Variants in UNC5D observed in about 807,000 individuals in gnomAD.
UNC5D encodes unc-5 netrin receptor D, also known as netrin receptor UNC5D.
A neutral mutation model predicts 105.4 loss-of-function variants in UNC5D; 39 were observed. The ratio of observed to expected loss-of-function variants is 0.37; its 90% CI spans 0.29 to 0.48. The LOEUF (loss-of-function observed/expected upper bound fraction) is 0.48, where lower values mean the gene tolerates loss of function less well. Ranked by LOEUF, UNC5D falls within the 20% of genes least tolerant of loss-of-function variation. The pLI is 0.98. For synonymous variants in UNC5D, 452 were observed against 450.4 expected, an observed-to-expected ratio of 1.00 and a Z score of -0.04; for missense variants, 991 against 1,202.4, an observed-to-expected ratio of 0.82 and a Z score of 2.60.
chr8:35,461,659 A>G (rs1421716255), intron 1 of UNC5D, among the ~76,000 whole-genome samples: 2 of 152,210 alleles, frequency 1.3e-5, no homozygotes, highest in Admixed American at 1.3e-4. Context: ...ATCTTGTGGG[A>G]ATGCAGTTTA....
chr8:35,521,213 A>G (rs576128844), intron 1 of UNC5D, among the ~76,000 whole-genome samples: 5 of 152,110 alleles, frequency 3.3e-5, no homozygotes, highest in African/African-American at 1.2e-4. Flanking sequence ...TTTGAAAGGG[A>G]GGAGGCAGAG....
chr8:35,330,490 G>A (rs1391853650), intron 1 of UNC5D, among the ~76,000 whole-genome samples: 1 of 152,204 alleles, frequency 6.6e-6, no homozygotes, highest in East Asian at 1.9e-4. Flanking sequence ...AAAACTGCTA[G>A]CTGATGCGCT....
intron 4 of UNC5D, among the ~76,000 whole-genome samples, chr8:35,660,180 A>C (rs1354257184): frequency 6.6e-6 from 1 of 152,196 alleles, no homozygotes; most frequent in East Asian, 1.9e-4. Flanking sequence ...TAGGCAGAAC[A>C]TGATAGAAAT....
chr8:35,681,705 G>A (rs1825676651), intron 4 of UNC5D, among the ~76,000 whole-genome samples: 1 of 152,060 alleles, frequency 6.6e-6, no homozygotes. Flanking sequence ...GTACCACTCG[G>A]CTCTGACAGC....
intron 7 of UNC5D, among the ~76,000 whole-genome samples, chr8:35,702,813 A>T (rs978652060): frequency 1.3e-5 from 2 of 152,132 alleles, no homozygotes; most frequent in Non-Finnish European, 2.9e-5. Flanking sequence ...CCAGGGGACT[A>T]AAACCCTCTT....
chr8:35,399,033 T>C (rs1483419003), intron 1 of UNC5D, among the ~76,000 whole-genome samples: 1 of 150,178 alleles, frequency 6.7e-6, no homozygotes, highest in Non-Finnish European at 1.5e-5. Flanking sequence ...TAGTCCCAGC[T>C]ACTTGGGAGG....
intron 1 of UNC5D, among the ~76,000 whole-genome samples, chr8:35,532,178 C>T (rs1188781942): frequency 2.7e-5 from 4 of 148,044 alleles, no homozygotes; most frequent in African/African-American, 1.0e-4. Context: ...TTTGCAGCGG[C>T]TGGTACCGGT....
intron 1 of UNC5D, among the ~76,000 whole-genome samples, chr8:35,330,778 C>T (rs886977300): frequency 1.3e-5 from 2 of 152,112 alleles, no homozygotes; most frequent in Admixed American, 6.5e-5. Flanking sequence ...TCGAGATGAA[C>T]CATGACAGGC....
intron 1 of UNC5D, among the ~76,000 whole-genome samples, chr8:35,279,035 G>A (rs1208550184): frequency 2.6e-5 from 4 of 152,176 alleles, no homozygotes; most frequent in Admixed American, 6.5e-5. Context: ...TAGCCTTGAA[G>A]AAATACAATT....
intron 1 of UNC5D, among the ~76,000 whole-genome samples, chr8:35,262,384 A>G (rs1804554089): frequency 1.3e-5 from 2 of 152,214 alleles, no homozygotes; most frequent in East Asian, 3.9e-4. Flanking sequence ...TATTTGCCCA[A>G]TAGGCAGCCC....
intron 2 of UNC5D, among the ~76,000 whole-genome samples, chr8:35,564,373 A>G (rs1398265455): frequency 6.6e-6 from 1 of 152,124 alleles, no homozygotes; most frequent in African/African-American, 2.4e-5. Context: ...GTTCTGCAAT[A>G]TAGGAGCTCT....
chr8:35,611,511 A>G (rs1057244427), intron 4 of UNC5D, among the ~76,000 whole-genome samples: 4 of 152,238 alleles, frequency 2.6e-5, no homozygotes, highest in Non-Finnish European at 4.4e-5. Flanking sequence ...GGTTCTCATT[A>G]CACTTACTTA....
At chr8:35,301,304 C>A (rs1222294279) in intron 1 of UNC5D, among the ~76,000 whole-genome samples, 2 of 152,174 alleles carry the variant, frequency 1.3e-5, no homozygotes, top group Non-Finnish European at 2.9e-5. Context: ...CAATAAATAA[C>A]AATGGTATTC....
At chr8:35,307,589 A>C (rs1253165111) in intron 1 of UNC5D, among the ~76,000 whole-genome samples, 1 of 152,138 alleles carries the variant, frequency 6.6e-6, no homozygotes, top group Admixed American at 6.6e-5. Flanking sequence ...GGGAAAAGGG[A>C]AGCCTGAGTT....
chr8:35,544,270 C>G, intron 1 of UNC5D: 1 of 1,128,916 alleles, frequency 8.9e-7, no homozygotes, highest in Non-Finnish European at 1.2e-6. Context: ...TCCTGAACAG[C>G]TGATGGCATT....
At position 35,733,864 on chromosome 8, in the gene UNC5D, T is replaced by A. The variant is rs551634706; in HGVS notation, c.1766+2768T>A. On this transcript the variant is annotated intron_variant, in intron 11 of 16. Transcript: ENST00000404895. ...ACTGAACTGAGTCTTAAAAGATGAATAGGAATTAGCCAGACAAAGAAAGGA... is the reference window on the plus strand; with the variant it reads ...ACTGAACTGAGTCTTAAAAGATGAAAAGGAATTAGCCAGACAAAGAAAGGA... Among the ~76,000 whole-genome samples, 4 of 152,180 alleles carry A rather than the reference T, an allele frequency of 2.6e-5. No homozygotes were observed. The South Asian group carries it at 8.3e-4, about 32-fold the overall frequency.
intron 1 of UNC5D, among the ~76,000 whole-genome samples, chr8:35,477,930 A>G (rs1810229441): frequency 6.6e-6 from 1 of 152,182 alleles, no homozygotes; most frequent in Non-Finnish European, 1.5e-5. Flanking sequence ...AGGCATTATT[A>G]TTGGTAAATA....
chr8:35,310,051 C>A (rs1585554061), intron 1 of UNC5D, among the ~76,000 whole-genome samples: 3 of 152,094 alleles, frequency 2.0e-5, no homozygotes, highest in South Asian at 2.1e-4. Flanking sequence ...ATATCTTGAC[C>A]TCTATTCTGA....
At chr8:35,719,598 CACCTTTAG>C (rs1828462698) in intron 8 of UNC5D, among the ~76,000 whole-genome samples, 1 of 152,120 alleles carries the variant, frequency 6.6e-6, no homozygotes, top group Non-Finnish European at 1.5e-5. Context: ...TTGTCCTTAC[CACCTTTAG>C]ACAAGAAATG....
Sources: gnomAD v4.1 joint callset for allele counts (sites outside exome capture counted in the v4.1 genomes callset) on GRCh38, gnomAD v4.1.1 for gene constraint, MANE v1.5 for transcripts, NCBI Gene and HGNC (gene_info 2026-07-23, HGNC 2026-07-21) for gene names.